The following GRM5 variants were observed in gnomAD, a reference collection of about 807,000 sequenced individuals.
GRM5 encodes metabotropic glutamate receptor 5.
GRM5 carries 19 observed loss-of-function variants against 83.1 expected under a neutral mutation model. That is an observed-to-expected ratio of 0.23 (90% confidence interval 0.16 to 0.34). GRM5 has a LOEUF of 0.34. Among genes scored for constraint, GRM5 ranks in the 10% least tolerant of loss-of-function variants. The pLI, the probability that GRM5 is intolerant of heterozygous loss-of-function variation, is 1.00. For missense variants in GRM5, 1,160 were observed against 1,588.3 expected, an observed-to-expected ratio of 0.73 and a Z score of 4.58; for synonymous variants, 675 against 633.6, an observed-to-expected ratio of 1.07 and a Z score of -0.98.
chr11:88,828,386 C>A (rs1943929423), intron 3 of GRM5, among the ~76,000 whole-genome samples: 1 of 152,068 alleles, frequency 6.6e-6, no homozygotes, highest in African/African-American at 2.4e-5. Context: ...ACTTAGGATC[C>A]TAATTCTCAT....
At chr11:88,666,073 C>T (rs997952106) in intron 3 of GRM5, among the ~76,000 whole-genome samples, 1 of 152,112 alleles carries the variant, frequency 6.6e-6, no homozygotes, top group Non-Finnish European at 1.5e-5. Flanking sequence ...ATTATTTCCT[C>T]CCTTGAATTC....
At chr11:88,941,405 A>G (rs1310458041) in intron 2 of GRM5, among the ~76,000 whole-genome samples, 1 of 145,334 alleles carries the variant, frequency 6.9e-6, no homozygotes. Context: ...AGAGGAGAAG[A>G]GAAGAGGGGA....
intron 4 of GRM5, among the ~76,000 whole-genome samples, chr11:88,628,990 A>G (rs1375219633): frequency 6.6e-6 from 1 of 152,140 alleles, no homozygotes; most frequent in South Asian, 2.1e-4. Flanking sequence ...ACTTTAGCTC[A>G]TATTCTATCA....
intron 3 of GRM5, among the ~76,000 whole-genome samples, chr11:88,731,770 T>A (rs566907480): frequency 6.6e-6 from 1 of 151,890 alleles, no homozygotes; most frequent in South Asian, 2.1e-4. Context: ...TGCTCAAGAG[T>A]AGTTTACCAA....
intron 3 of GRM5, among the ~76,000 whole-genome samples, chr11:88,670,509 T>C (rs1940164071): frequency 6.7e-6 from 1 of 149,754 alleles, no homozygotes; most frequent in Admixed American, 6.7e-5. Context: ...GTGTGTTGTG[T>C]ATACAGATGA....
At chr11:88,762,398 T>C (rs760477901) in intron 3 of GRM5, among the ~76,000 whole-genome samples, 6 of 151,728 alleles carry the variant, frequency 4.0e-5, no homozygotes, top group Non-Finnish European at 5.9e-5. Flanking sequence ...TTCAAAATAA[T>C]ACATATTTGC....
intron 2 of GRM5, among the ~76,000 whole-genome samples, chr11:88,878,406 T>C (rs1944895007): frequency 6.6e-6 from 1 of 152,106 alleles, no homozygotes; most frequent in South Asian, 2.1e-4. Flanking sequence ...CCAGGGGGTC[T>C]CTCCCAGCAA....
intron 4 of GRM5, among the ~76,000 whole-genome samples, chr11:88,613,442 C>G (rs924933645): frequency 6.6e-6 from 1 of 152,092 alleles, no homozygotes; most frequent in Admixed American, 6.6e-5. Context: ...GTAACTTTTA[C>G]CATTATACAA....
rs553755219 is a variant in GRM5, at chr11:88,917,610, T to C, written c.662-67455A>G. On this transcript the variant is annotated intron_variant, in intron 2 of 9. Transcript: ENST00000305447. ...GACATTACAGAGAAGAAATTCAGAATTCCATCAGATAATTTTAACAAAGAG... is the reference window on the plus strand; with the variant it reads ...GACATTACAGAGAAGAAATTCAGAACTCCATCAGATAATTTTAACAAAGAG... 2.0e-5 allele frequency among the ~76,000 whole-genome samples: 3 copies of C among 152,178 alleles called. No homozygotes were observed. The South Asian group carries it at 6.2e-4, about 32-fold the overall frequency.
At chr11:89,009,920 A>AAC (rs1565333897) in intron 2 of GRM5, among the ~76,000 whole-genome samples, 3 of 130,110 alleles carry the variant, frequency 2.3e-5, no homozygotes, top group African/African-American at 3.8e-5. Context: ...AAAAAAAAAA[A>AAC]AAAAAAAAAA....
chr11:88,741,326 A>G (rs1031793674), intron 3 of GRM5, among the ~76,000 whole-genome samples: 2 of 152,058 alleles, frequency 1.3e-5, no homozygotes, highest in African/African-American at 4.8e-5. Flanking sequence ...TGGTTGCAAT[A>G]GGGCACCTGC....
At chr11:88,516,643 CCT>C (rs1941528086) in intron 9 of GRM5, among the ~76,000 whole-genome samples, 1 of 152,056 alleles carries the variant, frequency 6.6e-6, no homozygotes, top group Admixed American at 6.5e-5. Context: ...AGGCTTGAAT[CCT>C]GGGTGCAGAT....
At chr11:88,511,481 GCT>G (rs1202412600) in intron 9 of GRM5, among the ~76,000 whole-genome samples, 4 of 151,924 alleles carry the variant, frequency 2.6e-5, no homozygotes, top group Non-Finnish European at 5.9e-5. Flanking sequence ...TTCTTTCTCC[GCT>G]CTTTCCTGTG....
intron 8 of GRM5, among the ~76,000 whole-genome samples, chr11:88,537,800 T>C (rs1397831181): frequency 6.6e-6 from 1 of 152,106 alleles, no homozygotes; most frequent in Non-Finnish European, 1.5e-5. Context: ...TTCCTTCAGA[T>C]AAATCAGATT....
chr11:88,923,301 A>G (rs1945725335), intron 2 of GRM5, among the ~76,000 whole-genome samples: 1 of 152,156 alleles, frequency 6.6e-6, no homozygotes, highest in South Asian at 2.1e-4. Flanking sequence ...AGCAAACCGA[A>G]GTGTTCATCA....
chr11:88,529,094 A>C (rs1941948217), intron 8 of GRM5, among the ~76,000 whole-genome samples: 1 of 152,038 alleles, frequency 6.6e-6, no homozygotes, highest in Non-Finnish European at 1.5e-5. Context: ...TAGAGAATCT[A>C]GTGATAGGAC....
chr11:88,707,136 C>T (rs1403421442), intron 3 of GRM5, among the ~76,000 whole-genome samples: 1 of 152,000 alleles, frequency 6.6e-6, no homozygotes, highest in South Asian at 2.1e-4. Flanking sequence ...GGTATTGGTA[C>T]TTGAGTGTAT....
chr11:88,675,839 G>A (rs1463871754), intron 3 of GRM5, among the ~76,000 whole-genome samples: 1 of 151,996 alleles, frequency 6.6e-6, no homozygotes, highest in Non-Finnish European at 1.5e-5. Context: ...CAACAAGCAA[G>A]AATTGGGAGT....
At chr11:88,607,412 T>C (rs2135235936) in intron 4 of GRM5, among the ~76,000 whole-genome samples, 1 of 152,316 alleles carries the variant, frequency 6.6e-6, no homozygotes, top group East Asian at 1.9e-4. Flanking sequence ...CCAGACTCAG[T>C]ATATATCCTC....
Sources: gnomAD v4.1 joint callset for allele counts (sites outside exome capture counted in the v4.1 genomes callset) on GRCh38, gnomAD v4.1.1 for gene constraint, MANE v1.5 for transcripts, NCBI Gene and HGNC (gene_info 2026-07-23, HGNC 2026-07-21) for gene names.